Variants in CFAP36 observed in about 807,000 individuals in gnomAD.
CFAP36 encodes the protein cilia- and flagella-associated protein 36.
In CFAP36, 37 loss-of-function variants were observed where a neutral mutation model predicts 50.5. The observed-to-expected ratio is 0.73, with a 90% CI of 0.56 to 0.96. The LOEUF is 0.96. CFAP36 is among the 50% of genes least tolerant of loss of function. CFAP36 has a pLI of 0.00. For synonymous variants in CFAP36, 138 were observed against 128.2 expected (o/e 1.08, Z -0.52); for missense variants, 407 against 396.2 (o/e 1.03, Z -0.23).
intron 7 of CFAP36, chr2:55,538,837 T>A: frequency 2.6e-6 from 4 of 1,536,106 alleles, no homozygotes; most frequent in Non-Finnish European, 3.5e-6. Context: ...CTTACCTTGG[T>A]CTTCTGACAC....
Position 55,519,924 on chromosome 2 carries a change from C to A in CFAP36, c.115+8C>A. ...TGGAACAGAAATGTGAAGGTAAAAA[C>A]CAGAGCCCGAACCGACAATCCTTTT... is the stretch of plus-strand genomic sequence containing the variant. On this transcript the variant is annotated splice_region_variant and intron_variant, in intron 1 of 9. Coordinates refer to ENST00000349456, the MANE Select transcript of CFAP36 (RefSeq NM_080667.7). 6.2e-7 allele frequency: 1 copy of A among 1,613,050 alleles called. No individual in the cohort carries two copies. Among genetic ancestry groups the A allele is most frequent in the Non-Finnish European group, 8.5e-7 (1 of 1,178,946 alleles).
In CFAP36 at chr2:55,535,783, CAG is replaced by C; in HGVS notation, c.537+22_537+23del. ...AAACAGGTGCCTACAGAACATATAA[CAG>C]AAGTATTTTATTGCTGTTATCTCTT... On this transcript the variant is annotated intron_variant, in intron 6 of 9. Coordinates refer to ENST00000349456, the MANE Select transcript of CFAP36 (RefSeq NM_080667.7). 6.5e-7 allele frequency: 1 copy of C among 1,547,746 alleles called. No homozygotes were observed. Among genetic ancestry groups the C allele is most frequent in the Non-Finnish European group, 8.7e-7 (1 of 1,155,532 alleles).
chr2:55,535,942 G>A (rs1047949500), intron 6 of CFAP36, 179 bp downstream of exon 6: 7 of 1,277,976 alleles, frequency 5.5e-6, no homozygotes, highest in Admixed American at 3.7e-5. Flanking sequence ...CATTACTGCT[G>A]GCCACCATAT....
intron 5 of CFAP36, among the ~76,000 whole-genome samples, chr2:55,535,055 T>C (rs766967691): frequency 6.6e-6 from 1 of 152,106 alleles, no homozygotes; most frequent in African/African-American, 2.4e-5. Context: ...ACTGGTAAAG[T>C]TTTGATTTGG....
At chr2:55,537,093 G>A (rs1315211407) in intron 6 of CFAP36, among the ~76,000 whole-genome samples, 1 of 152,106 alleles carries the variant, frequency 6.6e-6, no homozygotes, top group Non-Finnish European at 1.5e-5. Flanking sequence ...TTCTTTTAAA[G>A]AGGCCAGACG....
Position 55,533,898 on chromosome 2 carries a change from T to A in CFAP36, c.423T>A (p.Asp141Glu). 1 of 1,611,058 alleles carries A rather than the reference T, an allele frequency of 6.2e-7. No individual in the cohort carries two copies. Among genetic ancestry groups the A allele is most frequent in the Non-Finnish European group, 8.5e-7 (1 of 1,178,260 alleles). The stretch of plus-strand genomic sequence containing the variant: ...GTGTATTACCTGACTGCTTAACCGA[T>A]GGCTCTGATGTGGTCAGTGACCTTG... ...RNGVLPDCLT[D>E]GSDVVSDLEH... The change falls in exon 5 of 10, where the codon GAT (aspartate) becomes GAA (glutamate). Residue 141 changes from aspartate to glutamate, a missense_variant. Asp to Glu is a conservative substitution (Grantham distance 45, BLOSUM62 2). Coordinates refer to ENST00000349456, the MANE Select transcript of CFAP36 (RefSeq NM_080667.7).
Position 55,544,949 on chromosome 2 carries a change from A to G in CFAP36, c.970A>G (p.Thr324Ala). ...AGAAATGACAGCAGAGGAGAAGCAA[A>G]CATTACTAAAGAGGAGATTGCTTGC... ...KPEMTAEEKQ[T>A]LLKRRLLAEK... The change falls in exon 10 of 10, where the codon ACA (threonine) becomes GCA (alanine). Residue 324 changes from threonine to alanine, a missense_variant. Coordinates refer to ENST00000349456, the MANE Select transcript of CFAP36 (RefSeq NM_080667.7). The G allele has an allele frequency of 6.2e-7, 1 of 1,607,388 alleles. No individual in the cohort carries two copies. Among genetic ancestry groups the G allele is most frequent in the Non-Finnish European group, 8.5e-7 (1 of 1,178,094 alleles).
intron 9 of CFAP36, among the ~76,000 whole-genome samples, 155 bp from the exon 10 acceptor site, chr2:55,544,752 C>T (rs533919428): frequency 9.9e-5 from 15 of 152,234 alleles, no homozygotes; most frequent in Admixed American, 3.3e-4. Context: ...AGAGACTTTA[C>T]GAAGAAGAGA....
chr2:55,529,033 T>C, intron 4 of CFAP36, 41 bp downstream of exon 4: 1 of 1,397,334 alleles, frequency 7.2e-7, no homozygotes, highest in Non-Finnish European at 1.0e-6. Flanking sequence ...TAAATGCATT[T>C]TTTTTTACAG....
intron 6 of CFAP36, among the ~76,000 whole-genome samples, 189 bp from the exon 7 acceptor site, chr2:55,537,294 C>A (rs1425800037): frequency 6.6e-6 from 1 of 152,068 alleles, no homozygotes; most frequent in Non-Finnish European, 1.5e-5. Context: ...TCATTTAAAT[C>A]CAGGAGCCGG....
At chr2:55,524,648 AC>A (rs372651012) in intron 3 of CFAP36, among the ~76,000 whole-genome samples, 4 of 151,922 alleles carry the variant, frequency 2.6e-5, no homozygotes, top group African/African-American at 9.6e-5. Flanking sequence ...TCTTCCTGAC[AC>A]CTCTTAAGAA....
chr2:55,529,481 C>T (rs1459144467), intron 4 of CFAP36, among the ~76,000 whole-genome samples: 1 of 151,840 alleles, frequency 6.6e-6, no homozygotes, highest in Non-Finnish European at 1.5e-5. Flanking sequence ...AGAAAGGAGA[C>T]CAGAATTCAA....
At position 55,528,947 on chromosome 2, in the gene CFAP36, A is replaced by G; in HGVS notation, c.352A>G (p.Ile118Val). 6.2e-7 allele frequency: 1 copy of G among 1,612,294 alleles called. No individual in the cohort carries two copies. The highest frequency in any genetic ancestry group is 1.7e-5 in the Admixed American group (1 of 59,710). Residue 118 changes from isoleucine to valine, a missense_variant, in exon 4 of 10, where the codon ATT becomes GTT. By Grantham distance (29) the Ile-to-Val change is conservative. Coordinates refer to ENST00000349456, the MANE Select transcript of CFAP36 (RefSeq NM_080667.7). Reference protein sequence around the residue: ...IFKAMMVQKNIEMQLQAIRII... With the variant: ...IFKAMMVQKNVEMQLQAIRII... ...TAAAGCAATGATGGTCCAGAAAAAC[A>G]TTGAAATGCAGCTGCAAGCCATTCG...
chr2:55,524,468 T>G (rs1166542349), intron 3 of CFAP36, among the ~76,000 whole-genome samples: 2 of 141,508 alleles, frequency 1.4e-5, no homozygotes, highest in African/African-American at 5.4e-5. Context: ...GGTCTTGCTG[T>G]GTTGTCCAGG....
chr2:55,533,953 G>A lies in CFAP36; in HGVS notation c.478G>A (p.Val160Ile), dbSNP rs774025721. Residue 160 changes from valine to isoleucine, a missense_variant, in exon 5 of 10, where the codon GTT (valine) becomes ATT (isoleucine). Physicochemically the swap from Val to Ile is conservative, Grantham distance 29. Coordinates refer to ENST00000349456, the MANE Select transcript of CFAP36 (RefSeq NM_080667.7). Reference protein sequence around the residue: ...EHEEMKILREVLRKSKEEYDQ... With the variant: ...EHEEMKILREILRKSKEEYDQ... The stretch of plus-strand genomic sequence containing the variant: ...CGAAGAGATGAAAATCCTGAGGGAA[G>A]TTCTTAGGTACCATTCTTTAATTGT... 1.3e-6 allele frequency: 2 copies of A among 1,593,152 alleles called. No individual in the cohort carries two copies. The highest frequency in any genetic ancestry group is 1.7e-6 in the Non-Finnish European group (2 of 1,162,630).
intron 3 of CFAP36, among the ~76,000 whole-genome samples, chr2:55,526,444 GTTTGTT>G (rs1480267019): frequency 2.6e-5 from 4 of 152,022 alleles, no homozygotes; most frequent in Non-Finnish European, 4.4e-5. Context: ...TTTTTTGTTT[GTTTGTT>G]TTTGTTTTTG....
At chr2:55,530,913 TGCAACAATAGG>T (rs1301238356) in intron 4 of CFAP36, 10 of 152,244 alleles carry the variant, frequency 6.6e-5, no homozygotes, top group Non-Finnish European at 1.3e-4. Flanking sequence ...GCCTGGAACA[TGCAACAATAGG>T]GCTTCCGTTG....
At chr2:55,544,645 A>C (rs749285685) in intron 9 of CFAP36, among the ~76,000 whole-genome samples, 5 of 152,036 alleles carry the variant, frequency 3.3e-5, no homozygotes, top group Non-Finnish European at 7.4e-5. Flanking sequence ...GGTCTGTTTC[A>C]CCTGGGCATT....
chr2:55,529,157 C>T (rs530412985), intron 4 of CFAP36, among the ~76,000 whole-genome samples, 165 bp downstream of exon 4: 63 of 152,178 alleles, frequency 4.1e-4, no homozygotes, highest in African/African-American at 1.5e-3. Context: ...TGCAGTGGCT[C>T]ACGCCTGTAA....
Sources: allele counts gnomAD v4.1 joint callset (sites outside exome capture counted in the v4.1 genomes callset), GRCh38; gene constraint gnomAD v4.1.1; transcripts MANE v1.5; gene names NCBI Gene and HGNC (gene_info 2026-07-23, HGNC 2026-07-21).